Variants in ITSN2 observed in about 807,000 individuals in gnomAD.
ITSN2 encodes the protein intersectin 2.
A neutral mutation model predicts 243.7 loss-of-function variants in ITSN2; 156 were observed. The observed-to-expected ratio is 0.64, with a 90% CI of 0.56 to 0.73. The LOEUF (loss-of-function observed/expected upper bound fraction) is 0.73. Among genes scored for constraint, ITSN2 ranks in the 30% least tolerant of loss-of-function variants. The probability of loss-of-function intolerance (pLI) is 0.00; values close to 1 mark genes in which losing one functional copy is unlikely to be tolerated. For synonymous variants in ITSN2, 703 were observed against 699.9 expected (o/e 1.00, Z -0.07); for missense variants, 1,801 against 1,996.1 (o/e 0.90, Z 1.86).
intron 29 of ITSN2, among the ~76,000 whole-genome samples, chr2:24,228,209 T>C (rs1220805596): frequency 6.6e-6 from 1 of 152,114 alleles, no homozygotes; most frequent in East Asian, 1.9e-4. Flanking sequence ...TGGCTGCACA[T>C]AACACACAAC....
intron 1 of ITSN2, among the ~76,000 whole-genome samples, chr2:24,358,248 T>G (rs908989030): frequency 8.5e-5 from 13 of 152,186 alleles, no homozygotes; most frequent in African/African-American, 1.7e-4. Flanking sequence ...CCAAGATGAC[T>G]CTACCAGATA....
rs1418940965 is a variant in ITSN2 at position 24,209,882 on chromosome 2, A to T, written c.4409T>A (p.Val1470Asp). ...LLTYMVKQFA[V>D]SSGSEKLFSS... Reference sequence around the variant, plus strand: ...GAAAAGTTTCTCAGAGCCAGAGGAAACAGCAAACTGCTTGACCATGTAGGT... The same window carrying T: ...GAAAAGTTTCTCAGAGCCAGAGGAATCAGCAAACTGCTTGACCATGTAGGT... The change falls in exon 35 of 40, where the codon GTT (valine) becomes GAT (aspartate). Residue 1470 changes from valine to aspartate, a missense_variant. Around this residue, in one of 5 missense-constraint regions of ITSN2, gnomAD observed 928 missense variants for 1,065.4 expected, o/e 0.87. Transcript: ENST00000355123. The T allele has an allele frequency of 6.2e-7, 1 of 1,614,244 alleles. No homozygotes were observed. The highest frequency in any genetic ancestry group is 8.5e-7 in the Non-Finnish European group (1 of 1,180,042).
intron 1 of ITSN2, among the ~76,000 whole-genome samples, chr2:24,331,287 G>A (rs189958608): frequency 1.4e-5 from 2 of 138,520 alleles, no homozygotes; most frequent in East Asian, 4.4e-4. Context: ...TAGCCAGGCT[G>A]GTCTTGAACT....
intron 7 of ITSN2, among the ~76,000 whole-genome samples, chr2:24,309,587 G>T (rs965322632): frequency 6.6e-6 from 1 of 152,144 alleles, no homozygotes; most frequent in African/African-American, 2.4e-5. Context: ...AAGAAGTATA[G>T]AACTCCATGA....
At chr2:24,267,298 T>C (rs1433746252) in intron 20 of ITSN2, among the ~76,000 whole-genome samples, 1 of 151,210 alleles carries the variant, frequency 6.6e-6, no homozygotes, top group Admixed American at 6.6e-5. Context: ...GACAGGTTGA[T>C]GGGTGCAGCA....
intron 32 of ITSN2, among the ~76,000 whole-genome samples, chr2:24,213,773 G>T (rs1669714002): frequency 6.6e-6 from 1 of 152,176 alleles, no homozygotes; most frequent in Non-Finnish European, 1.5e-5. Flanking sequence ...TTATTCTGAT[G>T]AATGTTTAAT....
rs1688687423 is a variant in ITSN2 at position 24,358,790 on chromosome 2, C to G, written c.-34+1514G>C. On this transcript the variant is annotated intron_variant, in intron 1 of 39. Transcript: ENST00000355123. ...AATCCCCAAAACATGCCTAACACAC[C>G]TCCTCATATTCAGGAGAGATCAAGA... Among the ~76,000 whole-genome samples, 3 of 152,102 alleles carry G rather than the reference C, an allele frequency of 2.0e-5. No individual in the cohort carries two copies. The South Asian group carries it at 6.2e-4, about 32-fold the overall frequency.
intron 2 of ITSN2, among the ~76,000 whole-genome samples, chr2:24,320,285 CGAG>C (rs1684406154): frequency 6.7e-6 from 1 of 150,346 alleles, no homozygotes; most frequent in Non-Finnish European, 1.5e-5. Flanking sequence ...TTTGGGAGGC[CGAG>C]GAGGGTGGAT....
chr2:24,210,868 G>C lies in ITSN2; in HGVS notation c.4169C>G (p.Ser1390Cys), dbSNP rs768215533. ...CTCCCGAACTCCCTCATTCACTTGA[G>C]AGCACAGCTCCTCTGCCCGCTCGAG... ...LALERAEELC[S>C]QVNEGVREKE... The change falls in exon 34 of 40, where the codon TCT (serine) becomes TGT (cysteine). Residue 1390 changes from serine (S) to cysteine (C), a missense_variant. Around this residue, in one of 5 missense-constraint regions of ITSN2, gnomAD observed 928 missense variants for 1,065.4 expected, o/e 0.87. Coordinates refer to ENST00000355123, the MANE Select transcript of ITSN2 (RefSeq NM_006277.3). 5.6e-6 allele frequency: 9 copies of C among 1,614,126 alleles called. No homozygotes were observed. In the South Asian group the frequency reaches 9.9e-5, roughly 18 times the overall value.
chr2:24,328,004 AAAAAAAAATCCAT>A (rs1169144226), intron 2 of ITSN2, 35 bp downstream of exon 2: 1 of 1,575,076 alleles, frequency 6.3e-7, no homozygotes, highest in Non-Finnish European at 8.6e-7. Context: ...CTACCAAAAA[AAAAAAAAATCCAT>A]AACCTCATCT....
chr2:24,262,320 C>CT (rs1558512076), intron 20 of ITSN2, among the ~76,000 whole-genome samples: 1 of 151,978 alleles, frequency 6.6e-6, no homozygotes, highest in African/African-American at 2.4e-5. Context: ...ATTAAATTTC[C>CT]TTTTTTGTAA....
intron 29 of ITSN2, among the ~76,000 whole-genome samples, chr2:24,228,851 G>A (rs1390693186): frequency 6.6e-6 from 1 of 152,228 alleles, no homozygotes; most frequent in Non-Finnish European, 1.5e-5. Context: ...AAATCTGTCA[G>A]TGAAAAGAGA....
chr2:24,261,039 T>C, intron 22 of ITSN2, 67 bp downstream of exon 22: 2 of 1,431,028 alleles, frequency 1.4e-6, no homozygotes, highest in Non-Finnish European at 1.9e-6. Context: ...TTGTATATAA[T>C]TTTCATTCTA....
At chr2:24,331,986 G>C (rs1195569850) in intron 1 of ITSN2, among the ~76,000 whole-genome samples, 8 of 152,230 alleles carry the variant, frequency 5.3e-5, no homozygotes, top group Admixed American at 6.5e-5. Context: ...GTTCATGCCT[G>C]TAATCCCAGC....
intron 1 of ITSN2, among the ~76,000 whole-genome samples, chr2:24,349,795 G>C (rs1687871060): frequency 6.6e-6 from 1 of 152,086 alleles, no homozygotes; most frequent in African/African-American, 2.4e-5. Context: ...AGGAAGAATT[G>C]TAGCAATGTA....
intron 31 of ITSN2, 70 bp from the exon 32 acceptor site, chr2:24,216,302 G>A: frequency 7.9e-7 from 1 of 1,263,542 alleles, no homozygotes; most frequent in Non-Finnish European, 1.1e-6. Flanking sequence ...TGAATCCCAT[G>A]GCAGACCAAT....
At chr2:24,251,720 A>G (rs968770054) in intron 25 of ITSN2, among the ~76,000 whole-genome samples, 3 of 150,982 alleles carry the variant, frequency 2.0e-5, no homozygotes, top group Non-Finnish European at 2.9e-5. Flanking sequence ...GCTGTTTTTC[A>G]TAAAAGCACG....
rs796422738 is a variant in ITSN2, at chr2:24,250,223, G to C, written c.3121-1341C>G. 9.9e-5 allele frequency among the ~76,000 whole-genome samples: 15 copies of C among 152,226 alleles called. 1 individual carries two copies. The highest frequency in any genetic ancestry group is 2.6e-4 in the African/African-American group (11 of 41,540). On this transcript the variant is annotated intron_variant, in intron 25 of 39. Transcript: ENST00000355123. ...TGTGACTAAATTGTCCACTCAACTA[G>C]GTTTTTCATGGAACAACATTTTTAC...
intron 1 of ITSN2, among the ~76,000 whole-genome samples, chr2:24,336,241 CAAAAAA>C (rs756236002): frequency 8.3e-5 from 4 of 48,004 alleles, no homozygotes; most frequent in Admixed American, 2.2e-4. Flanking sequence ...GACTCTGTCT[CAAAAAA>C]AAAAAAAAAA....
Sources: gnomAD v4.1 joint callset for allele counts (sites outside exome capture counted in the v4.1 genomes callset) on GRCh38, gnomAD v4.1.1 for gene constraint, gnomAD v4.1.1 regional missense constraint, MANE v1.5 for transcripts, NCBI Gene and HGNC (gene_info 2026-07-23, HGNC 2026-07-21) for gene names.